FRRS1: variants seen among roughly 807,000 people sequenced by gnomAD.
FRRS1 encodes ferric reductase 1.
Under a neutral mutation model 70.7 loss-of-function variants are expected in FRRS1, and 51 were observed. The observed-to-expected ratio is 0.72, with a 90% CI of 0.58 to 0.91. The LOEUF is 0.91. FRRS1 is among the 40% of genes least tolerant of loss of function. The probability of loss-of-function intolerance (pLI) is 0.00; values close to 1 mark genes in which losing one functional copy is unlikely to be tolerated. For missense variants in FRRS1, 672 were observed against 726.0 expected, an observed-to-expected ratio of 0.93 and a Z score of 0.86; for synonymous variants, 225 against 238.7, an observed-to-expected ratio of 0.94 and a Z score of 0.53.
At chr1:99,754,674 G>C (rs1026867660) in intron 1 of FRRS1, among the ~76,000 whole-genome samples, 10 of 152,166 alleles carry the variant, frequency 6.6e-5, no homozygotes, top group Non-Finnish European at 7.3e-5. Context: ...TGTTCACCAA[G>C]ATAGACTACA....
At chr1:99,725,611 C>T (rs1037660106) in intron 9 of FRRS1, among the ~76,000 whole-genome samples, 2 of 152,196 alleles carry the variant, frequency 1.3e-5, no homozygotes, top group Non-Finnish European at 2.9e-5. Context: ...AGAAACACCA[C>T]AGAGGAGCCA....
At chr1:99,726,631 T>C (rs80118941) in intron 9 of FRRS1, among the ~76,000 whole-genome samples, 2 of 152,262 alleles carry the variant, frequency 1.3e-5, no homozygotes. Context: ...CACAATGATC[T>C]GCACTTTAGT....
Position 99,766,293 on chromosome 1 carries a change from C to CA in FRRS1, c.-106+313dup, listed in dbSNP as rs201492686. ...ACAGTTTTAAATTTAAAATTAAAAA[C>CA]AAAAAAAAAACTCCTGCAAGAATAA... On this transcript the variant is annotated intron_variant, in intron 1 of 16. Coordinates refer to ENST00000646001, the MANE Select transcript of FRRS1 (RefSeq NM_001361041.2). 1.4e-3 allele frequency among the ~76,000 whole-genome samples: 210 copies of CA among 145,416 alleles called. 1 individual carries two copies. Among genetic ancestry groups the CA allele is most frequent in the Middle Eastern group, 3.5e-3 (1 of 284 alleles).
chr1:99,708,882 G>A lies in FRRS1; in HGVS notation c.*146C>T, dbSNP rs1654142362. On this transcript the variant is annotated 3_prime_UTR_variant, in exon 17 of 17. Coordinates refer to ENST00000646001, the MANE Select transcript of FRRS1 (RefSeq NM_001361041.2). ...TCTTGAATGTTGTTCTCTAAAGGCT[G>A]GACTTCAGAATTCCTCTACAGACAT... is the stretch of plus-strand genomic sequence containing the variant. 1 of 1,566,012 alleles carries A rather than the reference G, an allele frequency of 6.4e-7. No individual in the cohort carries two copies. Among genetic ancestry groups the A allele is most frequent in the Admixed American group, 1.7e-5 (1 of 59,778 alleles).
chr1:99,714,351 T>C (rs1654417524), intron 12 of FRRS1, among the ~76,000 whole-genome samples: 1 of 151,984 alleles, frequency 6.6e-6, no homozygotes, highest in African/African-American at 2.4e-5. Flanking sequence ...GCCTGGCTAA[T>C]TTTAGTGTTT....
At chr1:99,749,698 C>A (rs1656475309) in intron 1 of FRRS1, among the ~76,000 whole-genome samples, 1 of 152,214 alleles carries the variant, frequency 6.6e-6, no homozygotes, top group South Asian at 2.1e-4. Context: ...TCAGCCCACA[C>A]AATCTTCTTC....
At chr1:99,757,940 T>C (rs1656916282) in intron 1 of FRRS1, among the ~76,000 whole-genome samples, 1 of 104,596 alleles carries the variant, frequency 9.6e-6, no homozygotes, top group African/African-American at 4.4e-5. Flanking sequence ...CTAAGGAGAA[T>C]GCCTGGGAGG....
intron 13 of FRRS1, 56 bp from the exon 14 acceptor site, chr1:99,712,219 C>G (rs900935078): frequency 1.7e-6 from 2 of 1,202,202 alleles, no homozygotes; most frequent in African/African-American, 3.0e-5. Context: ...ATAATTAATT[C>G]CCACTAGAAT....
intron 9 of FRRS1, among the ~76,000 whole-genome samples, chr1:99,720,147 A>T (rs765085453): frequency 3.3e-5 from 5 of 152,214 alleles, no homozygotes; most frequent in African/African-American, 4.8e-5. Flanking sequence ...ACATTATTTC[A>T]CACATGGTCA....
At chr1:99,728,048 G>A (rs1403631512) in intron 9 of FRRS1, among the ~76,000 whole-genome samples, 2 of 151,984 alleles carry the variant, frequency 1.3e-5, no homozygotes, top group Admixed American at 6.6e-5. Context: ...TTCCCTCCCC[G>A]CCTCCCTAGA....
chr1:99,742,220 G>A lies in FRRS1; in HGVS notation c.387C>T (p.Tyr129=). The change falls in exon 5 of 17, where the codon TAC becomes TAT. Residue 129 remains tyrosine, a synonymous_variant. Transcript: ENST00000646001. ...TTGGAGCACTGCTTGGAGCATTCCAGTAGACTTTAATTTCTGTTTTTTTAG... is the reference window on the plus strand; with the variant it reads ...TTGGAGCACTGCTTGGAGCATTCCAATAGACTTTAATTTCTGTTTTTTTAG... ...SASKKTEIKV[Y]WNAPSSAPNH... 2 of 1,612,192 alleles carry A rather than the reference G, an allele frequency of 1.2e-6. No homozygotes were observed. Among genetic ancestry groups the A allele is most frequent in the South Asian group, 2.2e-5 (2 of 91,046 alleles).
chr1:99,715,526 A>G, intron 12 of FRRS1, 60 bp downstream of exon 12: 1 of 939,836 alleles, frequency 1.1e-6, no homozygotes. Context: ...AAAATAAAAC[A>G]GCAATCTGTT....
At chr1:99,766,399 C>T (rs1005171592) in intron 1 of FRRS1, among the ~76,000 whole-genome samples, 3 of 152,126 alleles carry the variant, frequency 2.0e-5, no homozygotes, top group Non-Finnish European at 4.4e-5. Flanking sequence ...TAGTCAAAGT[C>T]ACAGGACATA....
At chr1:99,760,867 T>C (rs1416932765) in intron 1 of FRRS1, among the ~76,000 whole-genome samples, 12 of 152,072 alleles carry the variant, frequency 7.9e-5, no homozygotes. Context: ...GCCAGGCTGG[T>C]CTTGAACTCC....
chr1:99,734,950 G>A, intron 7 of FRRS1, among the ~76,000 whole-genome samples: 1 of 152,190 alleles, frequency 6.6e-6, no homozygotes, highest in East Asian at 1.9e-4. Context: ...TATGGAATAA[G>A]ATGATACAGC....
At chr1:99,764,710 AC>A (rs1467860528) in intron 1 of FRRS1, among the ~76,000 whole-genome samples, 1 of 152,190 alleles carries the variant, frequency 6.6e-6, no homozygotes, top group African/African-American at 2.4e-5. Flanking sequence ...AAATTATTTA[AC>A]CTTACTGAGT....
At chr1:99,752,334 G>A (rs1488800353) in intron 1 of FRRS1, among the ~76,000 whole-genome samples, 1 of 152,132 alleles carries the variant, frequency 6.6e-6, no homozygotes, top group Admixed American at 6.5e-5. Flanking sequence ...TATTGAAAGT[G>A]AAAGATATAT....
intron 7 of FRRS1, among the ~76,000 whole-genome samples, chr1:99,730,630 G>A (rs1265318662): frequency 6.6e-6 from 1 of 152,238 alleles, no homozygotes; most frequent in East Asian, 1.9e-4. Context: ...CACTTTGGGA[G>A]GCCAAGGCGG....
rs2100889768 is a variant in FRRS1, at chr1:99,706,394, GTAAGACC to G, written c.*2627_*2633del. ...ACTGCACTCCAGCCTGGGCAACAGA[GTAAGACC>G]CTGTCTCAAAAAAAAAAAAAAAAGA... On this transcript the variant is annotated 3_prime_UTR_variant, in exon 17 of 17. Coordinates refer to ENST00000646001, the MANE Select transcript of FRRS1 (RefSeq NM_001361041.2). Among the ~76,000 whole-genome samples the G allele has an allele frequency of 6.9e-6, 1 of 144,580 alleles. No individual in the cohort carries two copies. Among genetic ancestry groups the G allele is most frequent in the African/African-American group, 2.7e-5 (1 of 37,592 alleles). 94.9% of individuals were successfully genotyped at this position (144,580 alleles called of 152,430 possible).
Sources: allele counts gnomAD v4.1 joint callset (sites outside exome capture counted in the v4.1 genomes callset), GRCh38; gene constraint gnomAD v4.1.1; transcripts MANE v1.5; gene names NCBI Gene and HGNC (gene_info 2026-07-23, HGNC 2026-07-21).